Variants in TNPO3 observed in about 807,000 individuals in gnomAD.
TNPO3 encodes transportin 3, also known as transportin-3.
A neutral mutation model predicts 122.8 loss-of-function variants in TNPO3; 65 were observed. The ratio of observed to expected loss-of-function variants is 0.53; its 90% CI spans 0.43 to 0.65. TNPO3 has a LOEUF of 0.65. Ranked by LOEUF, TNPO3 falls within the 30% of genes least tolerant of loss-of-function variation. The pLI is 0.00. For missense variants in TNPO3, 850 were observed against 1,136.7 expected (o/e 0.75, Z 3.63); for synonymous variants, 372 against 411.2 (o/e 0.90, Z 1.15).
At chr7:128,985,086 C>T (rs1355070311) in intron 12 of TNPO3, among the ~76,000 whole-genome samples, 1 of 152,102 alleles carries the variant, frequency 6.6e-6, no homozygotes, top group Non-Finnish European at 1.5e-5. Flanking sequence ...TCAAAAAACA[C>T]CTTGAATATA....
chr7:129,002,502 T>A (rs1802049323), intron 5 of TNPO3, among the ~76,000 whole-genome samples: 1 of 152,224 alleles, frequency 6.6e-6, no homozygotes, highest in Non-Finnish European at 1.5e-5. Context: ...ATTTAAAATC[T>A]CCAGTGGGAC....
chr7:129,009,448 T>C (rs1375271484), intron 4 of TNPO3, among the ~76,000 whole-genome samples: 1 of 152,184 alleles, frequency 6.6e-6, no homozygotes, highest in East Asian at 1.9e-4. Flanking sequence ...TTGGACTAAT[T>C]TCATCCCCTG....
chr7:128,979,370 T>C (rs1486150697), intron 15 of TNPO3, among the ~76,000 whole-genome samples: 3 of 152,198 alleles, frequency 2.0e-5, no homozygotes, highest in Admixed American at 6.5e-5. Flanking sequence ...ATGACAGAGA[T>C]ACACAATTTC....
intron 1 of TNPO3, among the ~76,000 whole-genome samples, chr7:129,047,145 C>T (rs1397910669): frequency 6.6e-6 from 1 of 152,234 alleles, no homozygotes; most frequent in Non-Finnish European, 1.5e-5. Flanking sequence ...AAGCTGCATA[C>T]ACCCATGCTG....
At chr7:128,969,060 C>G (rs140082558) in intron 20 of TNPO3, among the ~76,000 whole-genome samples, 2 of 152,218 alleles carry the variant, frequency 1.3e-5, no homozygotes, top group Non-Finnish European at 2.9e-5. Flanking sequence ...ACATGGCTAC[C>G]TGGTTTCTAT....
intron 21 of TNPO3, among the ~76,000 whole-genome samples, chr7:128,964,374 C>T (rs1394146418): frequency 7.8e-6 from 1 of 128,056 alleles, no homozygotes; most frequent in African/African-American, 3.0e-5. Context: ...CTCGCTCTGT[C>T]GCCCAGGCTG....
Position 128,962,447 on chromosome 7 carries a change from GA to G in TNPO3, c.2711+4832del, listed in dbSNP as rs1451501993. ...AAAGCAGGCTTGGACTTGCTGAAAT[GA>G]AACTAAACCAGTTCACCCTCTCTGC... On this transcript the variant is annotated intron_variant, in intron 21 of 22. Transcript: ENST00000265388. 2.0e-5 allele frequency among the ~76,000 whole-genome samples: 3 copies of G among 150,874 alleles called. No homozygotes were observed. The South Asian group carries it at 6.3e-4, about 32-fold the overall frequency.
chr7:129,008,842 A>C (rs954690306), intron 4 of TNPO3, among the ~76,000 whole-genome samples: 1 of 152,184 alleles, frequency 6.6e-6, no homozygotes, highest in Non-Finnish European at 1.5e-5. Context: ...ATGATATTTC[A>C]ATTTTAATAA....
chr7:129,042,724 G>A (rs920145929), intron 1 of TNPO3, among the ~76,000 whole-genome samples: 1 of 151,884 alleles, frequency 6.6e-6, no homozygotes, highest in Non-Finnish European at 1.5e-5. Flanking sequence ...AAACTGAGGG[G>A]CACATAAGAT....
intron 2 of TNPO3, among the ~76,000 whole-genome samples, chr7:129,017,722 T>A: frequency 6.6e-6 from 1 of 152,226 alleles, no homozygotes; most frequent in South Asian, 2.1e-4. Context: ...AGCATGCCTG[T>A]GAAAACACAT....
chr7:129,014,938 T>C, intron 4 of TNPO3, 41 bp downstream of exon 4: 1 of 1,529,972 alleles, frequency 6.5e-7, no homozygotes, highest in African/African-American at 1.4e-5. Context: ...GCCATGGCTT[T>C]CTGCCTTTAT....
In TNPO3 at chr7:129,054,835, C is replaced by A. The variant is rs866390863; in HGVS notation, c.-65G>T. On this transcript the variant is annotated 5_prime_UTR_variant, in exon 1 of 23. Transcript: ENST00000265388. ...TCTCCGGAGGATTCCTCGGTTGCTC[C>A]GCCTTCGCGCTTCCTCACTGTCTGG... 107 of 1,606,726 alleles carry A rather than the reference C, an allele frequency of 6.7e-5. No individual in the cohort carries two copies. The African/African-American group carries it at 1.2e-3, about 18-fold the overall frequency.
At chr7:129,004,925 T>G (rs1802403465) in intron 5 of TNPO3, 91 bp downstream of exon 5, 1 of 1,287,900 alleles carries the variant, frequency 7.8e-7, no homozygotes, top group Admixed American at 2.2e-5. Context: ...CCAGTTACTG[T>G]GCAAAAATTT....
At chr7:129,017,806 C>G in intron 2 of TNPO3, 151 bp downstream of exon 2, 1 of 731,970 alleles carries the variant, frequency 1.4e-6, no homozygotes, top group Non-Finnish European at 2.2e-6. Context: ...AAAAGATTAA[C>G]AATTTCGTTT....
chr7:129,033,521 T>C (rs934549889), intron 1 of TNPO3, among the ~76,000 whole-genome samples: 5 of 152,182 alleles, frequency 3.3e-5, no homozygotes, highest in African/African-American at 1.2e-4. Flanking sequence ...ATGGTGTAGC[T>C]ACTATGGAAA....
rs189679591 is a variant in TNPO3, at chr7:129,051,770, A to G, written c.120+2881T>C. On this transcript the variant is annotated intron_variant, in intron 1 of 22. Coordinates refer to ENST00000265388, the MANE Select transcript of TNPO3 (RefSeq NM_012470.4). ...GAGATTCTCCTGCCTCAGCCTCCTG[A>G]GTAGCAGAGACTACAGGTGCGCACC... 3.7e-3 allele frequency among the ~76,000 whole-genome samples: 561 copies of G among 152,256 alleles called. 5 individuals carry two copies. Among genetic ancestry groups the G allele is most frequent in the Non-Finnish European group, 3.7e-3 (249 of 68,014 alleles).
At chr7:128,995,946 G>A (rs946159759) in intron 8 of TNPO3, among the ~76,000 whole-genome samples, 18 of 152,122 alleles carry the variant, frequency 1.2e-4, no homozygotes, top group South Asian at 4.1e-4. Context: ...TGATCCACCC[G>A]CCTCGGCCTC....
chr7:128,966,382 T>C (rs1015150018), intron 21 of TNPO3, among the ~76,000 whole-genome samples: 4 of 152,214 alleles, frequency 2.6e-5, no homozygotes, highest in Non-Finnish European at 5.9e-5. Context: ...TAAGTCATTG[T>C]CTAAAATTTA....
chr7:128,992,787 T>G (rs1800880438), intron 9 of TNPO3, among the ~76,000 whole-genome samples: 1 of 86,278 alleles, frequency 1.2e-5, no homozygotes, highest in Non-Finnish European at 2.7e-5. Flanking sequence ...TTCCTAATTT[T>G]AATTAATAAC....
Sources: gnomAD v4.1 joint callset for allele counts (sites outside exome capture counted in the v4.1 genomes callset) on GRCh38, gnomAD v4.1.1 for gene constraint, MANE v1.5 for transcripts, NCBI Gene and HGNC (gene_info 2026-07-23, HGNC 2026-07-21) for gene names.